The following TMEM260 variants were observed in gnomAD, a reference collection of about 807,000 sequenced individuals.
TMEM260 encodes transmembrane protein 260, also known as protein O-mannosyl-transferase TMEM260.
TMEM260 carries 82 observed loss-of-function variants against 88.9 expected under a neutral mutation model. The observed-to-expected ratio is 0.92, with a 90% CI of 0.77 to 1.11. TMEM260 has a LOEUF of 1.11. Ranked by LOEUF, TMEM260 falls within the 50% of genes least tolerant of loss-of-function variation. TMEM260 has a pLI of 0.00. For synonymous variants in TMEM260, 314 were observed against 309.3 expected, an observed-to-expected ratio of 1.02 and a Z score of -0.16; for missense variants, 902 against 853.4, an observed-to-expected ratio of 1.06 and a Z score of -0.71.
intron 12 of TMEM260, among the ~76,000 whole-genome samples, chr14:56,627,329 A>G (rs1343896790): frequency 2.0e-5 from 3 of 152,192 alleles, no homozygotes; most frequent in African/African-American, 2.4e-5. Context: ...AACAACACAT[A>G]TATAAAAAAT....
At chr14:56,616,773 T>C (rs886699732) in intron 8 of TMEM260, among the ~76,000 whole-genome samples, 17 of 152,120 alleles carry the variant, frequency 1.1e-4, no homozygotes, top group African/African-American at 4.1e-4. Context: ...GCTTCCGATA[T>C]AGATATTATC....
At chr14:56,585,587 T>G in intron 2 of TMEM260, 174 bp from the exon 3 acceptor site, 1 of 594,666 alleles carries the variant, frequency 1.7e-6, no homozygotes. Flanking sequence ...CTAAAGAAAA[T>G]ATTTATTTGT....
At chr14:56,584,913 A>G (rs1176389916) in intron 1 of TMEM260, 88 bp from the exon 2 acceptor site, 2 of 1,041,166 alleles carry the variant, frequency 1.9e-6, no homozygotes, top group South Asian at 2.8e-5. Flanking sequence ...TTAATGCAAA[A>G]CCCCAATGCA....
intron 12 of TMEM260, among the ~76,000 whole-genome samples, chr14:56,631,923 G>C (rs1423127490): frequency 6.6e-6 from 1 of 152,142 alleles, no homozygotes; most frequent in Non-Finnish European, 1.5e-5. Flanking sequence ...ACCATCACCT[G>C]ATGGTTGTCT....
In TMEM260 at chr14:56,585,049, T is replaced by A. The variant is rs1885400808; in HGVS notation, c.192+17T>A. 1 of 1,609,104 alleles carries A rather than the reference T, an allele frequency of 6.2e-7. No homozygotes were observed. On this transcript the variant is annotated intron_variant, in intron 2 of 15. Coordinates refer to ENST00000261556, the MANE Select transcript of TMEM260 (RefSeq NM_017799.4). ...GAGCTTGGAGTAAGTATTAGTTTTA[T>A]TGTTTAATCAATGCTCTCATTAACA... is the stretch of plus-strand genomic sequence containing the variant.
chr14:56,624,405 G>A (rs1888112112), intron 11 of TMEM260, among the ~76,000 whole-genome samples: 1 of 151,998 alleles, frequency 6.6e-6, no homozygotes, highest in African/African-American at 2.4e-5. Context: ...GAAACCCCGT[G>A]TCTATCAAAA....
chr14:56,634,872 G>A (rs1216128724), intron 13 of TMEM260, 27 bp from the exon 14 acceptor site: 1 of 1,577,878 alleles, frequency 6.3e-7, no homozygotes, highest in African/African-American at 1.4e-5. Flanking sequence ...GTGACAGAAA[G>A]ATATTACTGT....
intron 3 of TMEM260, among the ~76,000 whole-genome samples, chr14:56,597,645 CTG>C (rs1375282507): frequency 6.6e-6 from 1 of 152,148 alleles, no homozygotes; most frequent in Non-Finnish European, 1.5e-5. Context: ...ATCTCTTACT[CTG>C]TTGGCAATGG....
chr14:56,587,767 C>T (rs1361631042), intron 3 of TMEM260, among the ~76,000 whole-genome samples: 2 of 151,988 alleles, frequency 1.3e-5, no homozygotes, highest in Non-Finnish European at 2.9e-5. Context: ...TGACAAGGTA[C>T]ACGTCCTTTG....
intron 15 of TMEM260, among the ~76,000 whole-genome samples, chr14:56,639,275 C>A (rs1034751644): frequency 3.3e-5 from 5 of 151,592 alleles, no homozygotes; most frequent in African/African-American, 1.2e-4. Context: ...CAGCCAACAA[C>A]ATTATGATAC....
chr14:56,616,008 AAT>A lies in TMEM260; in HGVS notation c.927_928del (p.Ile309MetfsTer69). The A allele has an allele frequency of 6.2e-7, 1 of 1,612,306 alleles. No individual in the cohort carries two copies. Among genetic ancestry groups the A allele is most frequent in the Non-Finnish European group, 8.5e-7 (1 of 1,178,566 alleles). ...FNIQALAVCANICLATKDRQN... is the reference protein window; with the variant it reads ...FNIQALAVCAXICLATKDRQN... ...CATCCAAGCCCTTGCAGTTTGTGCA[AAT>A]ATATGTTTAGCAACAAAGTAAGTAA... is the stretch of plus-strand genomic sequence containing the variant. On this transcript the variant is annotated frameshift_variant, in exon 8 of 16. Transcript: ENST00000261556. LOFTEE classifies it high-confidence loss of function.
At chr14:56,659,403 CAA>C in the TMEM260 span, among the ~76,000 whole-genome samples, 2 of 151,960 alleles carry the variant, frequency 1.3e-5, no homozygotes, top group Admixed American at 1.3e-4. Flanking sequence ...CACCAATGAT[CAA>C]AGAGACACAA....
At chr14:56,651,921 ATCT>A (rs1440614888), downstream of TMEM260, among the ~76,000 whole-genome samples, 1 of 152,256 alleles carries the variant, frequency 6.6e-6, no homozygotes, top group Non-Finnish European at 1.5e-5. Context: ...AACCATAATC[ATCT>A]TCTATTTAGA....
At chr14:56,651,148 C>A (rs1890199400), downstream of TMEM260, among the ~76,000 whole-genome samples, 1 of 152,140 alleles carries the variant, frequency 6.6e-6, no homozygotes, top group Non-Finnish European at 1.5e-5. Flanking sequence ...AAACAAGGAG[C>A]TAAAGCTTTA....
intron 15 of TMEM260, among the ~76,000 whole-genome samples, chr14:56,644,020 T>C (rs531506017): frequency 6.6e-6 from 1 of 152,156 alleles, no homozygotes; most frequent in African/African-American, 2.4e-5. Context: ...TACAAACAAA[T>C]GGAAGAACAT....
the TMEM260 span, among the ~76,000 whole-genome samples, chr14:56,658,063 G>A: frequency 1.7e-3 from 260 of 152,168 alleles, no homozygotes; most frequent in African/African-American, 5.9e-3. Context: ...CTTAAGCTTG[G>A]TGCCTAACTC....
In TMEM260 at chr14:56,585,793, G is replaced by T. The variant is rs3737171; in HGVS notation, c.225G>T (p.Thr75=). 0.4 allele frequency: 637,383 copies of T among 1,612,690 alleles called. 132,429 individuals carry two copies. Among genetic ancestry groups the T allele is most frequent in the Admixed American group, 0.54 (32,570 of 59,848 alleles). Reference sequence around the variant, plus strand: ...ATCCTCCTGGCTATCCTTTGTTCACGCTGGTGGCTAAACTGGCAATTACAC... The same window carrying T: ...ATCCTCCTGGCTATCCTTTGTTCACTCTGGTGGCTAAACTGGCAATTACAC... ...VAHPPGYPLF[T]LVAKLAITLF... The change falls in exon 3 of 16, where the codon ACG becomes ACT. Residue 75 remains threonine (T), a synonymous_variant. Coordinates refer to ENST00000261556, the MANE Select transcript of TMEM260 (RefSeq NM_017799.4).
intron 3 of TMEM260, among the ~76,000 whole-genome samples, chr14:56,593,898 A>G (rs1886038852): frequency 6.6e-6 from 1 of 150,924 alleles, no homozygotes. Context: ...CTTGTTAGCC[A>G]GGATGGTCTC....
intron 15 of TMEM260, 117 bp from the exon 16 acceptor site, chr14:56,647,126 A>C: frequency 8.9e-7 from 1 of 1,129,266 alleles, no homozygotes; most frequent in Non-Finnish European, 1.2e-6. Context: ...TTAGATTTTT[A>C]CTGGAGGCTG....
Sources: gnomAD v4.1 joint callset for allele counts (sites outside exome capture counted in the v4.1 genomes callset) on GRCh38, gnomAD v4.1.1 for gene constraint, MANE v1.5 for transcripts, NCBI Gene and HGNC (gene_info 2026-07-23, HGNC 2026-07-21) for gene names.